BMERB1: variants seen among roughly 807,000 people sequenced by gnomAD.
BMERB1 encodes bMERB domain containing 1.
Under a neutral mutation model 23.6 loss-of-function variants are expected in BMERB1, and 12 were observed. That is an observed-to-expected ratio of 0.51 (90% CI 0.33 to 0.82). The LOEUF is 0.82. Ranked by LOEUF, BMERB1 falls within the 40% of genes least tolerant of loss-of-function variation. The pLI is 0.03. For missense variants in BMERB1, 247 were observed against 255.4 expected (o/e 0.97, Z 0.22); for synonymous variants, 122 against 96.6 (o/e 1.26, Z -1.54).
intron 1 of BMERB1, among the ~76,000 whole-genome samples, chr16:15,489,760 C>CT (rs2051402435): frequency 2.0e-5 from 3 of 152,162 alleles, no homozygotes; most frequent in African/African-American, 7.2e-5. Context: ...GCCACAGAGT[C>CT]TAACTTTTTC....
Position 15,515,291 on chromosome 16 carries a change from T to C in BMERB1, c.107-14T>C. ...TTGGGGTCCTGATGGTTGTATTTCC[T>C]GTCTCCTGCACAGATCAGCTGGACA... On this transcript the variant is annotated splice_polypyrimidine_tract_variant and intron_variant, in intron 1 of 5. Transcript: ENST00000300006. 1.2e-6 allele frequency: 2 copies of C among 1,612,818 alleles called. No homozygotes were observed. Among genetic ancestry groups the C allele is most frequent in the Non-Finnish European group, 1.7e-6 (2 of 1,179,852 alleles).
At chr16:15,444,043 G>C (rs530910849) in intron 1 of BMERB1, among the ~76,000 whole-genome samples, 15 of 149,978 alleles carry the variant, frequency 1.0e-4, no homozygotes, top group African/African-American at 3.2e-4. Context: ...GAAGAGTGTA[G>C]AGAAGGGGAT....
intron 1 of BMERB1, among the ~76,000 whole-genome samples, chr16:15,448,809 C>CA (rs1380656421): frequency 6.6e-6 from 1 of 151,980 alleles, no homozygotes; most frequent in Non-Finnish European, 1.5e-5. Context: ...ACTGAAAAAA[C>CA]AAAGAGTTGT....
intron 2 of BMERB1, among the ~76,000 whole-genome samples, chr16:15,523,616 A>G (rs1257927694): frequency 2.0e-5 from 3 of 151,934 alleles, no homozygotes; most frequent in African/African-American, 7.3e-5. Flanking sequence ...CTTCTTACCA[A>G]CTGTGTGGCC....
intron 2 of BMERB1, among the ~76,000 whole-genome samples, chr16:15,561,171 A>G (rs922818850): frequency 6.9e-6 from 1 of 144,154 alleles, no homozygotes; most frequent in Non-Finnish European, 1.5e-5. Context: ...GTTGGCCAGG[A>G]TGGTCTTGAT....
intron 1 of BMERB1, among the ~76,000 whole-genome samples, chr16:15,507,272 G>A (rs895918659): frequency 6.6e-6 from 1 of 152,130 alleles, no homozygotes; most frequent in African/African-American, 2.4e-5. Context: ...TCCTGTCCCT[G>A]GGTAGCCTTA....
chr16:15,540,957 C>T (rs2052072283), intron 2 of BMERB1, among the ~76,000 whole-genome samples: 1 of 152,208 alleles, frequency 6.6e-6, no homozygotes, highest in African/African-American at 2.4e-5. Flanking sequence ...TCAGCTATCA[C>T]ACTATGTCCT....
At chr16:15,530,706 G>A (rs1409158482) in intron 2 of BMERB1, among the ~76,000 whole-genome samples, 1 of 152,052 alleles carries the variant, frequency 6.6e-6, no homozygotes, top group Non-Finnish European at 1.5e-5. Flanking sequence ...TCATGTGGGT[G>A]GTTGCGCCAT....
At chr16:15,510,345 G>C (rs1022949161) in intron 1 of BMERB1, among the ~76,000 whole-genome samples, 1 of 152,158 alleles carries the variant, frequency 6.6e-6, no homozygotes, top group Admixed American at 6.5e-5. Flanking sequence ...CCTGGACTCA[G>C]CTCTTTCCCT....
chr16:15,435,685 G>A (rs2050882014), intron 1 of BMERB1, among the ~76,000 whole-genome samples: 1 of 152,214 alleles, frequency 6.6e-6, no homozygotes, highest in African/African-American at 2.4e-5. Context: ...CCCCAGCACG[G>A]ATCTCTGAGC....
intron 1 of BMERB1, among the ~76,000 whole-genome samples, chr16:15,437,957 CA>C (rs907373788): frequency 2.0e-5 from 3 of 149,038 alleles, no homozygotes; most frequent in South Asian, 2.1e-4. Context: ...GACTCCCTCT[CA>C]AAAAAAAAGA....
intron 1 of BMERB1, among the ~76,000 whole-genome samples, chr16:15,499,681 T>C (rs2051508920): frequency 6.6e-6 from 1 of 152,140 alleles, no homozygotes; most frequent in Admixed American, 6.5e-5. Context: ...AGTTCCTTCC[T>C]AGAGGGATGG....
intron 1 of BMERB1, among the ~76,000 whole-genome samples, chr16:15,497,511 A>C (rs1482173084): frequency 6.6e-6 from 1 of 152,244 alleles, no homozygotes; most frequent in Non-Finnish European, 1.5e-5. Context: ...GAAAGAAAAA[A>C]ACTGTCTATG....
At chr16:15,442,983 C>G (rs1238257625) in intron 1 of BMERB1, among the ~76,000 whole-genome samples, 2 of 152,134 alleles carry the variant, frequency 1.3e-5, no homozygotes, top group African/African-American at 4.8e-5. Context: ...CGTGGTTGCT[C>G]ACACTTGTAA....
intron 1 of BMERB1, among the ~76,000 whole-genome samples, chr16:15,478,291 C>T (rs2051289923): frequency 6.6e-6 from 1 of 152,036 alleles, no homozygotes; most frequent in Non-Finnish European, 1.5e-5. Context: ...TCCCAAGTAG[C>T]TGGGATTTAC....
At chr16:15,437,075 C>A (rs1371473532) in intron 1 of BMERB1, among the ~76,000 whole-genome samples, 1 of 152,048 alleles carries the variant, frequency 6.6e-6, no homozygotes, top group Non-Finnish European at 1.5e-5. Flanking sequence ...CTGTTGGACC[C>A]CAGAGCCTGC....
intron 4 of BMERB1, among the ~76,000 whole-genome samples, chr16:15,582,788 C>T (rs1486869497): frequency 1.3e-5 from 2 of 152,156 alleles, no homozygotes; most frequent in Admixed American, 6.5e-5. Context: ...TGGGGTGACT[C>T]GCTCTCTGAG....
At chr16:15,499,955 T>C (rs1188116220) in intron 1 of BMERB1, among the ~76,000 whole-genome samples, 1 of 152,204 alleles carries the variant, frequency 6.6e-6, no homozygotes, top group African/African-American at 2.4e-5. Context: ...AATCAATATA[T>C]TCAATCAATA....
chr16:15,565,544 T>C (rs925690452), intron 2 of BMERB1, among the ~76,000 whole-genome samples: 1 of 152,150 alleles, frequency 6.6e-6, no homozygotes, highest in African/African-American at 2.4e-5. Flanking sequence ...CCCAACATAG[T>C]AGATGTTCAA....
Sources: gnomAD v4.1 joint callset for allele counts (sites outside exome capture counted in the v4.1 genomes callset) on GRCh38, gnomAD v4.1.1 for gene constraint, MANE v1.5 for transcripts, NCBI Gene and HGNC (gene_info 2026-07-23, HGNC 2026-07-21) for gene names.